Variants in PKHD1 observed in about 807,000 individuals in gnomAD.
The protein encoded by PKHD1 is PKHD1 ciliary IPT domain containing fibrocystin/polyductin.
PKHD1 carries 291 observed loss-of-function variants against 412.0 expected under a neutral mutation model. That is an observed-to-expected ratio of 0.71 (90% CI 0.64 to 0.78). PKHD1 has a LOEUF of 0.78. Among genes scored for constraint, PKHD1 ranks in the 30% least tolerant of loss-of-function variants. The pLI is 0.00. For synonymous variants in PKHD1, 1,777 were observed against 1,821.5 expected, an observed-to-expected ratio of 0.98 and a Z score of 0.62; for missense variants, 4,825 against 4,950.7, an observed-to-expected ratio of 0.97 and a Z score of 0.76.
chr6:51,983,391 AGT>A (rs1281885304), intron 35 of PKHD1, among the ~76,000 whole-genome samples: 1 of 152,218 alleles, frequency 6.6e-6, no homozygotes, highest in Non-Finnish European at 1.5e-5. Context: ...ATCATATCAC[AGT>A]GTGTTTCTCT....
chr6:51,679,948 G>T (rs1776408114), intron 60 of PKHD1, among the ~76,000 whole-genome samples: 1 of 151,924 alleles, frequency 6.6e-6, no homozygotes, highest in Non-Finnish European at 1.5e-5. Flanking sequence ...AACTGCCTAG[G>T]TTCAAATCCT....
intron 53 of PKHD1, among the ~76,000 whole-genome samples, chr6:51,779,144 T>C (rs1284662367): frequency 2.0e-5 from 3 of 152,150 alleles, no homozygotes; most frequent in Non-Finnish European, 4.4e-5. Context: ...TTATTTATAA[T>C]TGGCAACATT....
chr6:51,824,835 C>T (rs908699718), intron 52 of PKHD1, among the ~76,000 whole-genome samples: 1 of 152,146 alleles, frequency 6.6e-6, no homozygotes, highest in African/African-American at 2.4e-5. Flanking sequence ...CCACAAGTTG[C>T]AGTTCAACAA....
intron 60 of PKHD1, among the ~76,000 whole-genome samples, chr6:51,719,565 T>C (rs1781664764): frequency 6.6e-6 from 1 of 152,140 alleles, no homozygotes; most frequent in Admixed American, 6.6e-5. Context: ...AAATTAATCA[T>C]TGACAGCCTC....
chr6:52,024,365 C>T (rs1173158197), intron 32 of PKHD1, among the ~76,000 whole-genome samples: 1 of 152,098 alleles, frequency 6.6e-6, no homozygotes, highest in Non-Finnish European at 1.5e-5. Context: ...AGAGAATATG[C>T]ACAGTTTCCT....
At chr6:51,956,596 A>G (rs1791182362) in intron 36 of PKHD1, among the ~76,000 whole-genome samples, 1 of 152,098 alleles carries the variant, frequency 6.6e-6, no homozygotes, top group African/African-American at 2.4e-5. Flanking sequence ...ACTATAAACA[A>G]GCAAGTAAAT....
At chr6:52,071,171 T>C in intron 8 of PKHD1, 101 bp from the exon 9 acceptor site, 1 of 821,484 alleles carries the variant, frequency 1.2e-6, no homozygotes, top group South Asian at 1.4e-5. Context: ...AAACCAAATT[T>C]GCTAGAGAAA....
At chr6:51,775,321 G>GAT (rs1790830115) in intron 54 of PKHD1, among the ~76,000 whole-genome samples, 1 of 151,700 alleles carries the variant, frequency 6.6e-6, no homozygotes, top group African/African-American at 2.4e-5. Flanking sequence ...GTTAGTTGGG[G>GAT]ATACATACAT....
intron 60 of PKHD1, among the ~76,000 whole-genome samples, chr6:51,668,942 T>G (rs970853916): frequency 6.6e-6 from 1 of 152,214 alleles, no homozygotes; most frequent in East Asian, 1.9e-4. Flanking sequence ...GCTGGATTCG[T>G]TTTGCCAGTA....
At chr6:51,873,822 A>G (rs1484839409) in intron 46 of PKHD1, among the ~76,000 whole-genome samples, 1 of 152,198 alleles carries the variant, frequency 6.6e-6, no homozygotes, top group Non-Finnish European at 1.5e-5. Context: ...AAATGAGTAA[A>G]TATAAAAATA....
intron 60 of PKHD1, among the ~76,000 whole-genome samples, chr6:51,702,444 C>T (rs1779562279): frequency 1.3e-5 from 2 of 151,436 alleles, no homozygotes; most frequent in Non-Finnish European, 3.0e-5. Flanking sequence ...AGATAGGAGG[C>T]AGGTGAAAGA....
At chr6:51,664,825 A>G (rs1188959543) in intron 60 of PKHD1, among the ~76,000 whole-genome samples, 1 of 152,118 alleles carries the variant, frequency 6.6e-6, no homozygotes, top group Non-Finnish European at 1.5e-5. Context: ...ACCTCTGTGT[A>G]TGAATACCTT....
At chr6:52,009,607 C>T (rs1356011589) in intron 35 of PKHD1, among the ~76,000 whole-genome samples, 1 of 152,028 alleles carries the variant, frequency 6.6e-6, no homozygotes, top group Admixed American at 6.6e-5. Context: ...CGTGAGAAGC[C>T]TGGGGAGCTG....
intron 31 of PKHD1, 88 bp downstream of exon 31, chr6:52,027,741 A>T: frequency 1.0e-6 from 1 of 972,270 alleles, no homozygotes; most frequent in Non-Finnish European, 1.7e-6. Context: ...CTCTGACCTC[A>T]CTGGCAAATT....
intron 52 of PKHD1, among the ~76,000 whole-genome samples, chr6:51,817,442 C>T (rs922316284): frequency 2.0e-5 from 3 of 152,114 alleles, no homozygotes; most frequent in Non-Finnish European, 4.4e-5. Flanking sequence ...GAAGAAGGAG[C>T]TGCCACACAC....
intron 35 of PKHD1, among the ~76,000 whole-genome samples, chr6:52,002,667 G>C (rs940431371): frequency 4.0e-5 from 6 of 151,846 alleles, no homozygotes; most frequent in Non-Finnish European, 8.8e-5. Context: ...GGTCTAAAAG[G>C]AAAAAAAGAA....
intron 34 of PKHD1, among the ~76,000 whole-genome samples, chr6:52,015,786 T>C (rs1415408276): frequency 1.3e-5 from 2 of 151,216 alleles, no homozygotes; most frequent in African/African-American, 2.4e-5. Flanking sequence ...ATCTTGCCAC[T>C]GCACTCCAGC....
At chr6:51,901,067 G>A (rs1781192393) in intron 43 of PKHD1, among the ~76,000 whole-genome samples, 1 of 152,046 alleles carries the variant, frequency 6.6e-6, no homozygotes, top group Non-Finnish European at 1.5e-5. Flanking sequence ...TACACTGTTG[G>A]TGGGACTGTA....
At chr6:51,960,143 T>C (rs1791792572) in intron 35 of PKHD1, 117 bp from the exon 36 acceptor site, 1 of 893,830 alleles carries the variant, frequency 1.1e-6, no homozygotes, top group South Asian at 1.4e-5. Context: ...TTGGGCGGGA[T>C]AGTATAAGTA....
Sources: allele counts gnomAD v4.1 joint callset (sites outside exome capture counted in the v4.1 genomes callset), GRCh38; gene constraint gnomAD v4.1.1; transcripts MANE v1.5; gene names NCBI Gene and HGNC (gene_info 2026-07-23, HGNC 2026-07-21).